Variants in GTF2H5 observed in about 807,000 individuals in gnomAD.
GTF2H5 encodes general transcription factor IIH subunit 5, also known as TFB5 ortholog.
Under a neutral mutation model 7.1 loss-of-function variants are expected in GTF2H5, and 5 were observed. The ratio of observed to expected loss-of-function variants is 0.71; its 90% confidence interval spans 0.37 to 1.49. The LOEUF is 1.49. Among genes scored for constraint, GTF2H5 ranks in the 40% most tolerant of loss-of-function variants. The pLI is 0.03. For missense variants in GTF2H5, 80 were observed against 83.0 expected, an observed-to-expected ratio of 0.96 and a Z score of 0.14; for synonymous variants, 30 against 31.7, an observed-to-expected ratio of 0.95 and a Z score of 0.18.
chr6:158,175,637 G>A (rs1371315954), intron 2 of GTF2H5, among the ~76,000 whole-genome samples: 1 of 152,024 alleles, frequency 6.6e-6, no homozygotes, highest in Non-Finnish European at 1.5e-5. Context: ...GGTGGTGGAC[G>A]CCTGTAATCC....
At chr6:158,187,212 TCTC>T (rs982030944) in intron 2 of GTF2H5, among the ~76,000 whole-genome samples, 2 of 151,972 alleles carry the variant, frequency 1.3e-5, no homozygotes, top group Non-Finnish European at 2.9e-5. Flanking sequence ...GCCAGGCTGG[TCTC>T]GAACTCCTGA....
intron 1 of GTF2H5, 132 bp from the exon 2 acceptor site, chr6:158,170,338 G>A: frequency 1.6e-6 from 1 of 624,786 alleles, no homozygotes; most frequent in Non-Finnish European, 2.8e-6. Context: ...TTTTCTTAAT[G>A]TTAACTGTCT....
At chr6:158,175,134 G>T (rs538839676) in intron 2 of GTF2H5, among the ~76,000 whole-genome samples, 29 of 151,934 alleles carry the variant, frequency 1.9e-4, no homozygotes, top group South Asian at 8.3e-4. Flanking sequence ...TTGAGTCCAG[G>T]TTTGTGATCT....
chr6:158,174,663 G>A (rs1401418120), intron 2 of GTF2H5, among the ~76,000 whole-genome samples: 3 of 152,220 alleles, frequency 2.0e-5, no homozygotes, highest in Non-Finnish European at 4.4e-5. Context: ...ACCACAGTAT[G>A]TCTGTGTCCA....
At position 158,169,369 on chromosome 6, in the gene GTF2H5, ATATG is replaced by A. The variant is rs532803072; in HGVS notation, c.-35+978_-35+981del. Reference sequence around the variant, plus strand: ...ATATTATATATAATACATATATATAATATGTATATTATATATTATATATAATATT... The same window carrying A: ...ATATTATATATAATACATATATATAATATATTATATATTATATATAATATT... On this transcript the variant is annotated intron_variant, in intron 1 of 2. Coordinates refer to ENST00000607778, the MANE Select transcript of GTF2H5 (RefSeq NM_207118.3). Among the ~76,000 whole-genome samples, 136 of 104,696 alleles carry A rather than the reference ATATG, an allele frequency of 1.3e-3. 1 individual carries two copies. The highest frequency in any genetic ancestry group is 5.2e-3 in the African/African-American group (131 of 24,956). 68.7% of individuals were successfully genotyped at this position (104,696 alleles called of 152,430 possible).
At position 158,196,035 on chromosome 6, in the gene GTF2H5, A is replaced by T. The variant is rs1341123390; in HGVS notation, c.*3878A>T. ...GGTGGCTCACGTCTATAATCCTAGC[A>T]CTTTGGGAGGCCGAGGCGGGCAAAT... On this transcript the variant is annotated 3_prime_UTR_variant, in exon 3 of 3. Coordinates refer to ENST00000607778, the MANE Select transcript of GTF2H5 (RefSeq NM_207118.3). The T allele has an allele frequency of 6.6e-6, 1 of 152,162 alleles. No homozygotes were observed. The highest frequency in any genetic ancestry group is 1.5e-5 in the Non-Finnish European group (1 of 68,032). 9.4% of individuals were successfully genotyped at this position (152,162 alleles called of 1,614,324 possible). A position where few individuals can be genotyped will look rare whatever the true frequency, so the allele number is the denominator to read the frequency against.
chr6:158,187,251 C>G (rs1776944508), intron 2 of GTF2H5, among the ~76,000 whole-genome samples: 1 of 152,072 alleles, frequency 6.6e-6, no homozygotes, highest in Non-Finnish European at 1.5e-5. Context: ...CCACCTCAGC[C>G]TCCCAAAGTG....
chr6:158,181,356 G>A (rs1450805849), intron 2 of GTF2H5, among the ~76,000 whole-genome samples: 1 of 152,180 alleles, frequency 6.6e-6, no homozygotes, highest in African/African-American at 2.4e-5. Context: ...TGTTGATTTG[G>A]GTCGGGGAGT....
intron 2 of GTF2H5, among the ~76,000 whole-genome samples, chr6:158,178,456 C>CAAAAAA (rs34745319): frequency 2.3e-5 from 2 of 88,510 alleles, no homozygotes; most frequent in Non-Finnish European, 4.4e-5. Flanking sequence ...GACTCCATCT[C>CAAAAAA]AAAAAAAAAA....
chr6:158,188,116 A>T (rs1776960426), intron 2 of GTF2H5, among the ~76,000 whole-genome samples: 1 of 152,210 alleles, frequency 6.6e-6, no homozygotes, highest in African/African-American at 2.4e-5. Flanking sequence ...TGATTTTTAT[A>T]GAATATATTG....
In GTF2H5 at chr6:158,198,970, TAAC is replaced by T. The variant is rs1310724756; in HGVS notation, c.*6817_*6819del. 2 of 152,252 alleles carry T rather than the reference TAAC, an allele frequency of 1.3e-5. No individual in the cohort carries two copies. Among genetic ancestry groups the T allele is most frequent in the African/African-American group, 2.4e-5 (1 of 41,460 alleles). 9.4% of individuals were successfully genotyped at this position (152,252 alleles called of 1,614,324 possible). On this transcript the variant is annotated 3_prime_UTR_variant, in exon 3 of 3. Transcript: ENST00000607778. ...CTTTTGACGTTTTTGAATAAGCTGT[TAAC>T]AACTTTAATACCTGTCTTGTTTGTT... is the stretch of plus-strand genomic sequence containing the variant.
chr6:158,177,061 T>C (rs187467469), intron 2 of GTF2H5, among the ~76,000 whole-genome samples: 44 of 152,382 alleles, frequency 2.9e-4, no homozygotes, highest in African/African-American at 1.0e-3. Flanking sequence ...CATGTCACAG[T>C]GCTTCAGAGA....
At position 158,195,744 on chromosome 6, in the gene GTF2H5, G is replaced by C. The variant is rs530701114; in HGVS notation, c.*3587G>C. 6.6e-6 allele frequency: 1 copy of C among 152,216 alleles called. No individual in the cohort carries two copies. The highest frequency in any genetic ancestry group is 6.5e-5 in the Admixed American group (1 of 15,280). The allele number at this position is 152,216 out of a possible 1,614,324, so 9.4% of individuals were successfully genotyped here. A position where few individuals can be genotyped will look rare whatever the true frequency, so the allele number is the denominator to read the frequency against. On this transcript the variant is annotated 3_prime_UTR_variant, in exon 3 of 3. Transcript: ENST00000607778. ...GCTGACAACTAGGAGTAAAAGCTCTGACAAAAAGCCTCTGCTGTAACTAAA... is the reference window on the plus strand; with the variant it reads ...GCTGACAACTAGGAGTAAAAGCTCTCACAAAAAGCCTCTGCTGTAACTAAA...
intron 2 of GTF2H5, among the ~76,000 whole-genome samples, chr6:158,172,416 G>T (rs1241740511): frequency 6.6e-6 from 1 of 151,408 alleles, no homozygotes; most frequent in African/African-American, 2.4e-5. Context: ...TGCCTCAGCT[G>T]CCCGAGTAGC....
intron 2 of GTF2H5, among the ~76,000 whole-genome samples, chr6:158,187,011 T>C (rs1029194558): frequency 4.6e-5 from 7 of 152,142 alleles, no homozygotes; most frequent in African/African-American, 1.7e-4. Context: ...TTTGTTCTTA[T>C]TAGACGAAGT....
intron 2 of GTF2H5, among the ~76,000 whole-genome samples, chr6:158,171,584 T>A (rs1401772910): frequency 1.3e-5 from 2 of 152,086 alleles, no homozygotes; most frequent in Admixed American, 6.5e-5. Context: ...AGAACTGGCA[T>A]GAGATGAAGA....
intron 1 of GTF2H5, among the ~76,000 whole-genome samples, chr6:158,169,756 ATTG>A (rs1345811660): frequency 1.1e-5 from 1 of 88,106 alleles, no homozygotes; most frequent in Non-Finnish European, 2.2e-5. Context: ...TATATAATAT[ATTG>A]TATATTATAT....
chr6:158,191,152 C>T (rs796570809), intron 2 of GTF2H5, among the ~76,000 whole-genome samples: 1 of 152,110 alleles, frequency 6.6e-6, no homozygotes, highest in African/African-American at 2.4e-5. Flanking sequence ...AGATTAAGTA[C>T]CTATTCTATT....
intron 2 of GTF2H5, among the ~76,000 whole-genome samples, chr6:158,190,451 C>T (rs1305314606): frequency 2.0e-5 from 3 of 152,178 alleles, no homozygotes; most frequent in Non-Finnish European, 4.4e-5. Context: ...TGGATGTCAC[C>T]TCATGGGTCC....
Sources: allele counts gnomAD v4.1 joint callset (sites outside exome capture counted in the v4.1 genomes callset), GRCh38; gene constraint gnomAD v4.1.1; transcripts MANE v1.5; gene names NCBI Gene and HGNC (gene_info 2026-07-23, HGNC 2026-07-21).